P3H1: variants seen among roughly 807,000 people sequenced by gnomAD.
P3H1 encodes the protein growth suppressor 1.
Under a neutral mutation model 84.0 loss-of-function variants are expected in P3H1, and 69 were observed. That is an observed-to-expected ratio of 0.82 (90% confidence interval 0.68 to 1.00). The LOEUF (loss-of-function observed/expected upper bound fraction) is 1.00, where lower values mean the gene tolerates loss of function less well. Ranked by LOEUF, P3H1 falls within the 50% of genes least tolerant of loss-of-function variation. The probability of loss-of-function intolerance (pLI) is 0.00; values close to 1 mark genes in which losing one functional copy is unlikely to be tolerated. For missense variants in P3H1, 878 were observed against 962.8 expected (o/e 0.91, Z 1.17); for synonymous variants, 366 against 388.8 (o/e 0.94, Z 0.69).
chr1:42,747,891 G>T, intron 12 of P3H1, 93 bp from the exon 13 acceptor site: 3 of 1,263,926 alleles, frequency 2.4e-6, no homozygotes, highest in South Asian at 1.2e-5. Context: ...GCAGCAGGAG[G>T]GTGGCTTTGT....
At position 42,750,318 on chromosome 1, in the gene P3H1, CT is replaced by C; in HGVS notation, c.1587del (p.Val530PhefsTer12). The C allele has an allele frequency of 2.5e-6, 4 of 1,614,090 alleles. No homozygotes were observed. The East Asian group carries it at 8.9e-5, about 36-fold the overall frequency. ...FKALKLGQEGKVPLQSAHLYY... is the reference protein window; with the variant it reads ...FKALKLGQEGXVPLQSAHLYY... ...TACAGGTGGGCACTCTGCAGAGGAA[CT>C]TTGCCTTCTTGCCCCAGCTGCCAAG... is the stretch of plus-strand genomic sequence containing the variant. On this transcript the variant is annotated frameshift_variant, in exon 11 of 15. Transcript: ENST00000296388. LOFTEE classifies it high-confidence loss of function.
chr1:42,760,596 C>T (rs1652656902), intron 2 of P3H1: 1 of 152,140 alleles, frequency 6.6e-6, no homozygotes, highest in Non-Finnish European at 1.5e-5. Flanking sequence ...ATCCACTCAC[C>T]TCGGCCTCCC....
chr1:42,765,440 A>T (rs923575155), intron 1 of P3H1, among the ~76,000 whole-genome samples: 1 of 152,284 alleles, frequency 6.6e-6, no homozygotes, highest in Non-Finnish European at 1.5e-5. Context: ...CAAAGACGTT[A>T]GTCGAGCATT....
In P3H1 at chr1:42,766,444, G is replaced by A. The variant is rs535909432; in HGVS notation, c.465+63C>T. 42 of 1,414,144 alleles carry A rather than the reference G, an allele frequency of 3.0e-5. 1 individual carries two copies. The South Asian group carries it at 4.9e-4, about 17-fold the overall frequency. 87.6% of individuals were successfully genotyped at this position (1,414,144 alleles called of 1,614,324 possible). ...TTCCCCGATCCCCCAAGCTCCTCAGGTCCCCTGCAACACTCCTCTCCCCAG... is the reference window on the plus strand; with the variant it reads ...TTCCCCGATCCCCCAAGCTCCTCAGATCCCCTGCAACACTCCTCTCCCCAG... On this transcript the variant is annotated intron_variant, in intron 1 of 14. Coordinates refer to ENST00000296388, the MANE Select transcript of P3H1 (RefSeq NM_022356.4).
Position 42,746,762 on chromosome 1 carries a change from C to T in P3H1, c.2146G>A (p.Gly716Ser), listed in dbSNP as rs1295977850. Reference sequence around the variant, plus strand: ...GACTCTTGTGCAGGTTCGGGGGGGCCCTGCTGGGCATCCAGGGGCTGCTCC... The same window carrying T: ...GACTCTTGTGCAGGTTCGGGGGGGCTCTGCTGGGCATCCAGGGGCTGCTCC... ...SQEQPLDAQQ[G>S]PPEPAQESLS... Residue 716 changes from glycine (G) to serine (S), a missense_variant, in exon 15 of 15, where the codon GGC becomes AGC. Gly to Ser is a moderately conservative substitution (Grantham distance 56). Coordinates refer to ENST00000296388, the MANE Select transcript of P3H1 (RefSeq NM_022356.4). 6.4e-7 allele frequency: 1 copy of T among 1,557,342 alleles called. No individual in the cohort carries two copies. Among genetic ancestry groups the T allele is most frequent in the Non-Finnish European group, 8.7e-7 (1 of 1,150,216 alleles).
At chr1:42,747,892 G>T in intron 12 of P3H1, 94 bp from the exon 13 acceptor site, 1 of 1,180,038 alleles carries the variant, frequency 8.5e-7, no homozygotes, top group Non-Finnish European at 1.3e-6. Flanking sequence ...CAGCAGGAGG[G>T]TGGCTTTGTG....
chr1:42,762,900 T>C (rs1364659082), intron 1 of P3H1, among the ~76,000 whole-genome samples: 1 of 152,104 alleles, frequency 6.6e-6, no homozygotes, highest in Non-Finnish European at 1.5e-5. Flanking sequence ...AAGACCAGTC[T>C]GGGCAACATG....
chr1:42,747,856 C>T, intron 12 of P3H1, 58 bp from the exon 13 acceptor site: 1 of 1,530,946 alleles, frequency 6.5e-7, no homozygotes, highest in African/African-American at 1.4e-5. Flanking sequence ...TCCCCTGAGC[C>T]TTCACCTCCA....
intron 12 of P3H1, 104 bp downstream of exon 12, chr1:42,748,096 C>A: frequency 1.2e-6 from 1 of 855,266 alleles, no homozygotes. Flanking sequence ...ACAGCTAGCC[C>A]CAACCAGTGT....
At position 42,752,319 on chromosome 1, in the gene P3H1, A is replaced by C; in HGVS notation, c.1524T>G (p.Thr508=). ...DGYRGQTSPH[T]PNEKFYGVTV... ...TGACACCATAGAACTTTTCATTGGG[A>C]GTATGTGGGGAGGTCTGACCCCGGT... Residue 508 remains threonine, a synonymous_variant, in exon 10 of 15, where the codon ACT becomes ACG. Coordinates refer to ENST00000296388, the MANE Select transcript of P3H1 (RefSeq NM_022356.4). 1 of 1,613,952 alleles carries C rather than the reference A, an allele frequency of 6.2e-7. No individual in the cohort carries two copies.
intron 13 of P3H1, 75 bp downstream of exon 13, chr1:42,747,648 C>T (rs1042474863): frequency 6.5e-7 from 1 of 1,527,430 alleles, no homozygotes; most frequent in Non-Finnish European, 9.1e-7. Flanking sequence ...TATTTTTGTC[C>T]ACTGCACTTT....
In P3H1 at chr1:42,747,948, C is replaced by A. The variant is rs577812390; in HGVS notation, c.1839-150G>T. 6 of 785,934 alleles carry A rather than the reference C, an allele frequency of 7.6e-6. No homozygotes were observed. In the Admixed American group the frequency reaches 9.9e-5, roughly 13 times the overall value. 48.7% of individuals were successfully genotyped at this position (785,934 alleles called of 1,614,324 possible). On this transcript the variant is annotated intron_variant, in intron 12 of 14. Coordinates refer to ENST00000296388, the MANE Select transcript of P3H1 (RefSeq NM_022356.4). ...ACCTATACTGATGCCGTACAAACTC[C>A]ACCTTTCCACTCTCCACCCTCGCCT...
Position 42,747,267 on chromosome 1 carries a change from C to T in P3H1, c.2055+5G>A, listed in dbSNP as rs770285383. Reference sequence around the variant, plus strand: ...GCTGCTCTCACCCGCTCGAGCTGCTCTCACCCGCTCGCTGTGTCGAGGGTC... The same window carrying T: ...GCTGCTCTCACCCGCTCGAGCTGCTTTCACCCGCTCGCTGTGTCGAGGGTC... On this transcript the variant is annotated splice_donor_5th_base_variant and intron_variant, in intron 14 of 14. Coordinates refer to ENST00000296388, the MANE Select transcript of P3H1 (RefSeq NM_022356.4). The T allele has an allele frequency of 6.2e-7, 1 of 1,613,746 alleles. No homozygotes were observed. The highest frequency in any genetic ancestry group is 1.1e-5 in the South Asian group (1 of 91,082).
intron 11 of P3H1, 164 bp downstream of exon 11, chr1:42,750,022 T>A (rs1651941408): frequency 6.2e-6 from 5 of 800,212 alleles, no homozygotes; most frequent in Non-Finnish European, 9.9e-6. Flanking sequence ...ACTTCCTCCA[T>A]GCTACTGTGG....
At chr1:42,766,021 C>CAAA in intron 1 of P3H1, among the ~76,000 whole-genome samples, 1 of 141,338 alleles carries the variant, frequency 7.1e-6, no homozygotes, top group South Asian at 2.4e-4. Flanking sequence ...CCCCCCGCCC[C>CAAA]CACACACACA....
chr1:42,762,055 A>C, intron 2 of P3H1: 1 of 390,286 alleles, frequency 2.6e-6, no homozygotes, highest in East Asian at 4.9e-5. Flanking sequence ...ACATTTCTAC[A>C]ATGTTATACA....
At chr1:42,762,802 T>C (rs1283969029) in intron 1 of P3H1, among the ~76,000 whole-genome samples, 2 of 152,170 alleles carry the variant, frequency 1.3e-5, no homozygotes, top group Non-Finnish European at 2.9e-5. Flanking sequence ...CCACATAATA[T>C]GTTTTCATGC....
chr1:42,766,228 CAGG>C (rs745559855), intron 1 of P3H1, among the ~76,000 whole-genome samples: 9 of 152,366 alleles, frequency 5.9e-5, no homozygotes, highest in African/African-American at 1.2e-4. Context: ...TAATTCCTTC[CAGG>C]AGATTTCCCA....
rs1441151905 is a variant in P3H1, at chr1:42,766,835, T to A, written c.137A>T (p.Tyr46Phe). 1 of 1,604,858 alleles carries A rather than the reference T, an allele frequency of 6.2e-7. No homozygotes were observed. Among genetic ancestry groups the A allele is most frequent in the Non-Finnish European group, 8.5e-7 (1 of 1,179,762 alleles). ...DLLFAEGTAA[Y>F]ARGDWPGVVL... ...CACCCCGGGCCAGTCCCCGCGCGCGTAGGCTGCGGTCCCCTCGGCGAAGAG... is the reference window on the plus strand; with the variant it reads ...CACCCCGGGCCAGTCCCCGCGCGCGAAGGCTGCGGTCCCCTCGGCGAAGAG... Residue 46 changes from tyrosine to phenylalanine, a missense_variant, in exon 1 of 15, where the codon TAC (tyrosine) becomes TTC (phenylalanine). Physicochemically the swap from Tyr to Phe is conservative, Grantham distance 22 (BLOSUM62 3). Transcript: ENST00000296388.
Sources: allele counts gnomAD v4.1 joint callset (sites outside exome capture counted in the v4.1 genomes callset), GRCh38; gene constraint gnomAD v4.1.1; transcripts MANE v1.5; gene names NCBI Gene and HGNC (gene_info 2026-07-23, HGNC 2026-07-21).